KLB: variants seen among roughly 807,000 people sequenced by gnomAD.
KLB encodes the protein beta-klotho.
KLB carries 44 observed loss-of-function variants against 88.4 expected under a neutral mutation model. The observed-to-expected ratio is 0.50, with a 90% CI of 0.39 to 0.64. The LOEUF (loss-of-function observed/expected upper bound fraction) is 0.64. Ranked by LOEUF, KLB falls within the 30% of genes least tolerant of loss-of-function variation. KLB has a pLI of 0.00. For missense variants in KLB, 1,137 were observed against 1,304.8 expected (o/e 0.87, Z 1.98); for synonymous variants, 548 against 513.4 (o/e 1.07, Z -0.91).
chr4:39,431,355 G>A (rs765516343), intron 1 of KLB, among the ~76,000 whole-genome samples: 4 of 152,144 alleles, frequency 2.6e-5, no homozygotes, highest in Non-Finnish European at 4.4e-5. Context: ...GGGTTCAAGC[G>A]ATTCTCCTGC....
In KLB at chr4:39,434,814, T is replaced by C. The variant is rs183735129; in HGVS notation, c.1336+94T>C. 172 of 900,752 alleles carry C rather than the reference T, an allele frequency of 1.9e-4. No homozygotes were observed. In the East Asian group the frequency reaches 2.0e-3, roughly 10 times the overall value. 55.8% of individuals were successfully genotyped at this position (900,752 alleles called of 1,614,324 possible). ...AATATGTAACTATTATTGTTGGGCT[T>C]TTTTTTTTTTGAAACGGAGTTTCTC... On this transcript the variant is annotated intron_variant, in intron 2 of 4. Coordinates refer to ENST00000257408, the MANE Select transcript of KLB (RefSeq NM_175737.4).
At chr4:39,420,897 G>C (rs1249904683) in intron 1 of KLB, among the ~76,000 whole-genome samples, 6 of 150,616 alleles carry the variant, frequency 4.0e-5, no homozygotes, top group African/African-American at 7.3e-5. Context: ...AAAAATAAAG[G>C]TTCTCTTCTT....
chr4:39,442,486 T>A (rs1416241976), intron 3 of KLB, among the ~76,000 whole-genome samples: 1 of 147,904 alleles, frequency 6.8e-6, no homozygotes, highest in East Asian at 2.0e-4. Flanking sequence ...CAAGCTGGAG[T>A]GCAATGGCGC....
chr4:39,447,528 A>ACAAGAAC (rs1560654764), intron 4 of KLB, 53 bp downstream of exon 4: 4 of 1,426,372 alleles, frequency 2.8e-6, no homozygotes, highest in Non-Finnish European at 9.4e-7. Context: ...CTGTTACCTG[A>ACAAGAAC]CAAGAACAAA....
rs776640866 is a variant in KLB, at chr4:39,437,830, T to C, written c.1440T>C (p.Tyr480=). 1.9e-6 allele frequency: 3 copies of C among 1,614,106 alleles called. No individual in the cohort carries two copies. The African/African-American group carries it at 4.0e-5, about 22-fold the overall frequency. Residue 480 remains tyrosine (Y), a synonymous_variant, in exon 3 of 5, where the codon TAT becomes TAC. Coordinates refer to ENST00000257408, the MANE Select transcript of KLB (RefSeq NM_175737.4). Reference sequence around the variant, plus strand: ...ACACCATCCGCCGAGGATTATTTTATGTGGATTTTAACAGTAAACAGAAAG... The same window carrying C: ...ACACCATCCGCCGAGGATTATTTTACGTGGATTTTAACAGTAAACAGAAAG... ...DAYTIRRGLF[Y]VDFNSKQKER...
Position 39,407,163 on chromosome 4 carries a change from G to A in KLB, c.214G>A (p.Glu72Lys), listed in dbSNP as rs780136183. The change falls in exon 1 of 5, where the codon GAA (glutamate) becomes AAA (lysine). Residue 72 changes from glutamate to lysine, a missense_variant. By Grantham distance (56) the Glu-to-Lys change is moderately conservative. Coordinates refer to ENST00000257408, the MANE Select transcript of KLB (RefSeq NM_175737.4). ...AAATCCTAATTTTACTCCGGTAAAT[G>A]AAAGTCAGCTGTTTCTCTATGACAC... Reference protein sequence around the residue: ...SKNPNFTPVNESQLFLYDTFP... With the variant: ...SKNPNFTPVNKSQLFLYDTFP... 6.2e-7 allele frequency: 1 copy of A among 1,614,030 alleles called. No individual in the cohort carries two copies. The highest frequency in any genetic ancestry group is 1.3e-5 in the African/African-American group (1 of 74,922).
chr4:39,421,327 T>A (rs1366619331), intron 1 of KLB, among the ~76,000 whole-genome samples: 1 of 152,340 alleles, frequency 6.6e-6, no homozygotes, highest in East Asian at 1.9e-4. Context: ...TATCTAAACA[T>A]GTTTTTGTTG....
In KLB at chr4:39,446,635, G is replaced by A. The variant is rs1197934203; in HGVS notation, c.1909G>A (p.Ala637Thr). ...TGAGGGGCTGAAGCTTGGCATCTCC[G>A]CGATGGTCACCCTGTATTATCCGAC... ...VSEGLKLGIS[A>T]MVTLYYPTHA... Residue 637 changes from alanine to threonine, a missense_variant, in exon 4 of 5, where the codon GCG (alanine) becomes ACG (threonine). Physicochemically the swap from Ala to Thr is moderately conservative, Grantham distance 58. Coordinates refer to ENST00000257408, the MANE Select transcript of KLB (RefSeq NM_175737.4). The surrounding 1 kb of genome is among the most constrained non-coding windows in gnomAD (Gnocchi z 6.4). 6.2e-7 allele frequency: 1 copy of A among 1,613,506 alleles called. No homozygotes were observed. The highest frequency in any genetic ancestry group is 8.5e-7 in the Non-Finnish European group (1 of 1,179,732).
In KLB at chr4:39,407,025, T is replaced by C. The variant is rs1269857736; in HGVS notation, c.76T>C (p.Tyr26His). The C allele has an allele frequency of 3.0e-5, 49 of 1,614,016 alleles. No homozygotes were observed. Among genetic ancestry groups the C allele is most frequent in the Non-Finnish European group, 4.0e-5 (47 of 1,179,996 alleles). ...FFSTDEITTR[Y>H]RNTMSNGGLQ... ...CAGCACTGATGAAATAACCACACGC[T>C]ATAGGAATACAATGTCCAACGGGGG... The change falls in exon 1 of 5, where the codon TAT (tyrosine) becomes CAT (histidine). Residue 26 changes from tyrosine to histidine, a missense_variant. By Grantham distance (83) the Tyr-to-His change is moderately conservative. Around this residue, in one of 4 missense-constraint regions of KLB, gnomAD observed 111 missense variants for 118.3 expected, o/e 0.94. Coordinates refer to ENST00000257408, the MANE Select transcript of KLB (RefSeq NM_175737.4).
chr4:39,417,507 T>C (rs1289875865), intron 1 of KLB, among the ~76,000 whole-genome samples: 14 of 152,070 alleles, frequency 9.2e-5, no homozygotes, highest in Non-Finnish European at 2.9e-5. Context: ...GAGACAGAGT[T>C]ACTCCATGTT....
intron 1 of KLB, among the ~76,000 whole-genome samples, chr4:39,430,645 G>C (rs1743336925): frequency 7.4e-6 from 1 of 135,180 alleles, no homozygotes; most frequent in Non-Finnish European, 1.5e-5. Flanking sequence ...CTGTCACCCA[G>C]GCTGGAGTAC....
Position 39,434,467 on chromosome 4 carries a change from T to C in KLB, c.1083T>C (p.His361=), listed in dbSNP as rs769539015. ...VLPIFSEAEK[H]EMRGTADFFA... Reference sequence around the variant, plus strand: ...CCATTTTCTCTGAAGCAGAGAAGCATGAGATGAGAGGCACAGCTGATTTCT... The same window carrying C: ...CCATTTTCTCTGAAGCAGAGAAGCACGAGATGAGAGGCACAGCTGATTTCT... Residue 361 remains histidine (H), a synonymous_variant, in exon 2 of 5, where the codon CAT becomes CAC. Coordinates refer to ENST00000257408, the MANE Select transcript of KLB (RefSeq NM_175737.4). 7 of 1,614,136 alleles carry C rather than the reference T, an allele frequency of 4.3e-6. No individual in the cohort carries two copies. In the East Asian group the frequency reaches 1.6e-4, roughly 36 times the overall value.
At chr4:39,416,580 A>G (rs1401822451) in intron 1 of KLB, among the ~76,000 whole-genome samples, 1 of 152,152 alleles carries the variant, frequency 6.6e-6, no homozygotes, top group Non-Finnish European at 1.5e-5. Context: ...CAGGAGTTCA[A>G]GATCAGCCTA....
At chr4:39,413,137 C>T (rs1256721865) in intron 1 of KLB, among the ~76,000 whole-genome samples, 2 of 152,152 alleles carry the variant, frequency 1.3e-5, no homozygotes, top group Non-Finnish European at 2.9e-5. Context: ...GTGTCATCTT[C>T]TCCTTTGTAG....
chr4:39,424,844 T>G (rs979955567), intron 1 of KLB, among the ~76,000 whole-genome samples: 12 of 151,712 alleles, frequency 7.9e-5, no homozygotes, highest in African/African-American at 1.7e-4. Flanking sequence ...GGCCAGGCTG[T>G]TCTCGAATTC....
chr4:39,438,878 G>A (rs1211219196), intron 3 of KLB, among the ~76,000 whole-genome samples: 1 of 152,196 alleles, frequency 6.6e-6, no homozygotes, highest in Non-Finnish European at 1.5e-5. Context: ...CATTTTACGG[G>A]GGGAGGAAAG....
chr4:39,449,089 C>A lies in KLB; in HGVS notation c.*403C>A, dbSNP rs1743831091. On this transcript the variant is annotated 3_prime_UTR_variant, in exon 5 of 5. Transcript: ENST00000257408. ...CCTGTAATCTCAGCACTTTGGGAGG[C>A]CGAGGCGGGGAGATCACCTGAGGTG... 6.3e-6 allele frequency: 1 copy of A among 158,212 alleles called. No individual in the cohort carries two copies. Among genetic ancestry groups the A allele is most frequent in the African/African-American group, 2.4e-5 (1 of 41,508 alleles). The allele number at this position is 158,212 out of a possible 1,614,324, so 9.8% of individuals were successfully genotyped here.
At chr4:39,427,544 G>C (rs1308421295) in intron 1 of KLB, among the ~76,000 whole-genome samples, 2 of 149,620 alleles carry the variant, frequency 1.3e-5, no homozygotes, top group East Asian at 3.9e-4. Flanking sequence ...CAGATGAAAA[G>C]ATGAATCAAA....
In KLB at chr4:39,448,928, G is replaced by T; in HGVS notation, c.*242G>T. 2.3e-6 allele frequency: 1 copy of T among 430,400 alleles called. No homozygotes were observed. The highest frequency in any genetic ancestry group is 4.1e-6 in the Non-Finnish European group (1 of 242,686). 26.7% of individuals were successfully genotyped at this position (430,400 alleles called of 1,614,324 possible). On this transcript the variant is annotated 3_prime_UTR_variant, in exon 5 of 5. Transcript: ENST00000257408. ...TGACAGTAAGCTATGAGGATTACAT[G>T]CTACATTGCTTCTTAAAGTTTCATC...
Sources: allele counts gnomAD v4.1 joint callset (sites outside exome capture counted in the v4.1 genomes callset), GRCh38; gene constraint gnomAD v4.1.1; regional missense constraint gnomAD v4.1.1; non-coding constraint Gnocchi (gnomAD v3.1); transcripts MANE v1.5; gene names NCBI Gene and HGNC (gene_info 2026-07-23, HGNC 2026-07-21).